Variants in HDGFL3 observed in about 807,000 individuals in gnomAD.
The protein encoded by HDGFL3 is HDGF like 3.
HDGFL3 carries 6 observed loss-of-function variants against 27.6 expected under a neutral mutation model. The observed-to-expected ratio is 0.22, with a 90% CI of 0.12 to 0.43. The LOEUF (loss-of-function observed/expected upper bound fraction) is 0.43, where lower values mean the gene tolerates loss of function less well. HDGFL3 is among the 20% of genes least tolerant of loss of function. The pLI, the probability that HDGFL3 is intolerant of heterozygous loss-of-function variation, is 1.00. For missense variants in HDGFL3, 207 were observed against 250.1 expected, an observed-to-expected ratio of 0.83 and a Z score of 1.16; for synonymous variants, 88 against 88.9, an observed-to-expected ratio of 0.99 and a Z score of 0.05.
chr15:83,199,557 A>T (rs946667838), intron 1 of HDGFL3, among the ~76,000 whole-genome samples: 1 of 151,876 alleles, frequency 6.6e-6, no homozygotes, highest in African/African-American at 2.4e-5. Context: ...GCTACCACTG[A>T]CTCCCCTACA....
In HDGFL3 at chr15:83,136,388, G is replaced by A; in HGVS notation, c.*2882C>T. 8.8e-7 allele frequency: 1 copy of A among 1,130,496 alleles called. No homozygotes were observed. Among genetic ancestry groups the A allele is most frequent in the Non-Finnish European group, 1.2e-6 (1 of 821,992 alleles). The allele number at this position is 1,130,496 out of a possible 1,614,324, so 70.0% of individuals were successfully genotyped here. ...AGGTGAGACTGGTTTTGAGGGCACA[G>A]AAACGTAGCCTGAATGAACCATTCA... On this transcript the variant is annotated 3_prime_UTR_variant, in exon 6 of 6. Coordinates refer to ENST00000299633, the MANE Select transcript of HDGFL3 (RefSeq NM_016073.4).
chr15:83,149,178 C>T (rs370546899), intron 5 of HDGFL3, among the ~76,000 whole-genome samples: 17 of 152,164 alleles, frequency 1.1e-4, no homozygotes, highest in East Asian at 9.6e-4. Flanking sequence ...AAAAGCAATA[C>T]CTGCACCTAC....
intron 1 of HDGFL3, among the ~76,000 whole-genome samples, chr15:83,183,882 T>C (rs2037410599): frequency 6.6e-6 from 1 of 152,196 alleles, no homozygotes. Context: ...AACCTTACCT[T>C]TGCCATCTCC....
chr15:83,121,127 G>C (rs1596494143), intron 3 of HDGFL3, among the ~76,000 whole-genome samples: 1 of 151,610 alleles, frequency 6.6e-6, no homozygotes, highest in African/African-American at 2.4e-5. Flanking sequence ...CTGGAGTGCA[G>C]TGGTGCGATC....
intron 1 of HDGFL3, among the ~76,000 whole-genome samples, chr15:83,205,456 T>C (rs1265080990): frequency 6.6e-6 from 1 of 152,228 alleles, no homozygotes; most frequent in Non-Finnish European, 1.5e-5. Context: ...TTGCCTTATT[T>C]GGAATTATCA....
intron 1 of HDGFL3, among the ~76,000 whole-genome samples, chr15:83,199,871 T>A (rs543155891): frequency 6.7e-6 from 1 of 148,730 alleles, no homozygotes; most frequent in East Asian, 2.0e-4. Context: ...TAAAACCCAG[T>A]CTCTACTAAA....
chr15:83,135,419 CTT>C lies in HDGFL3; in HGVS notation c.*3849_*3850del, dbSNP rs2151388877. On this transcript the variant is annotated 3_prime_UTR_variant, in exon 6 of 6. Coordinates refer to ENST00000299633, the MANE Select transcript of HDGFL3 (RefSeq NM_016073.4). ...TTCTCTATAGTGCAGTCTTTTGTCT[CTT>C]TGATCCTGATGAACTGATAATTTAC... The C allele has an allele frequency of 6.6e-6, 1 of 152,288 alleles. No individual in the cohort carries two copies. Among genetic ancestry groups the C allele is most frequent in the Admixed American group, 6.5e-5 (1 of 15,290 alleles). The allele number at this position is 152,288 out of a possible 1,614,324, so 9.4% of individuals were successfully genotyped here.
At position 83,207,712 on chromosome 15, in the gene HDGFL3, G is replaced by GCA; in HGVS notation, c.-299_-298insTG. 1 of 152,242 alleles carries GCA rather than the reference G, an allele frequency of 6.6e-6. No individual in the cohort carries two copies. Among genetic ancestry groups the GCA allele is most frequent in the Non-Finnish European group, 1.4e-5 (1 of 70,302 alleles). The allele number at this position is 152,242 out of a possible 1,614,324, so 9.4% of individuals were successfully genotyped here. A position where few individuals can be genotyped will look rare whatever the true frequency, so the allele number is the denominator to read the frequency against. On this transcript the variant is annotated 5_prime_UTR_variant, in exon 1 of 6. Transcript: ENST00000299633. This position sits in a 1 kb window ranked among gnomAD's most constrained non-coding sequence, Gnocchi z 4.8. ...CGCCGCCGCCGCCGCCGCCGCGCGC[G>GCA]CTGCTCACCAGCGCCGCGTCGCCTG...
In HDGFL3 at chr15:83,129,345, T is replaced by C. The variant is rs913770601; in HGVS notation, c.*9925A>G. The C allele has an allele frequency of 6.6e-6, 1 of 152,234 alleles. No homozygotes were observed. Among genetic ancestry groups the C allele is most frequent in the African/African-American group, 2.4e-5 (1 of 41,442 alleles). The allele number at this position is 152,234 out of a possible 1,614,324, so 9.4% of individuals were successfully genotyped here. A position where few individuals can be genotyped will look rare whatever the true frequency, so the allele number is the denominator to read the frequency against. ...ACACAATTAAAATTTTAATTCTTTT[T>C]TATGCAAAGATCATGTGGGATATTT... On this transcript the variant is annotated 3_prime_UTR_variant, in exon 6 of 6. Transcript: ENST00000299633.
Position 83,136,497 on chromosome 15 carries a change from T to C in HDGFL3, c.*2773A>G, listed in dbSNP as rs1243796074. The C allele has an allele frequency of 3.2e-6, 5 of 1,582,340 alleles. No individual in the cohort carries two copies. The highest frequency in any genetic ancestry group is 2.0e-5 in the Admixed American group (1 of 49,498). Reference sequence around the variant, plus strand: ...ATGCAACAGGCTCAGTTTTCTCACATTGGTGCATCTCTTCATGCTAGAACT... The same window carrying C: ...ATGCAACAGGCTCAGTTTTCTCACACTGGTGCATCTCTTCATGCTAGAACT... On this transcript the variant is annotated 3_prime_UTR_variant, in exon 6 of 6. Transcript: ENST00000299633.
intron 2 of HDGFL3, among the ~76,000 whole-genome samples, chr15:83,162,274 G>A (rs1189299099): frequency 3.3e-5 from 5 of 151,970 alleles, no homozygotes; most frequent in Non-Finnish European, 5.9e-5. Context: ...TCAGGTTCAG[G>A]GACACCCAAT....
downstream of HDGFL3, chr15:83,127,233 A>G: frequency 2.3e-6 from 2 of 887,958 alleles, no homozygotes; most frequent in Non-Finnish European, 1.6e-6. Context: ...AAAAAAAAAA[A>G]GAGTCCCATA....
intron 1 of HDGFL3, among the ~76,000 whole-genome samples, chr15:83,198,147 A>C (rs913856225): frequency 2.0e-5 from 3 of 151,964 alleles, no homozygotes; most frequent in African/African-American, 7.3e-5. Context: ...TGAGAATTAA[A>C]ATCTATATAA....
chr15:83,198,011 A>G (rs1004211711), intron 1 of HDGFL3, among the ~76,000 whole-genome samples: 2 of 128,544 alleles, frequency 1.6e-5, no homozygotes, highest in Non-Finnish European at 3.1e-5. Context: ...CCAAGAACAC[A>G]CTACTGCACT....
At chr15:83,158,674 C>A (rs1301352621) in intron 2 of HDGFL3, among the ~76,000 whole-genome samples, 1 of 152,160 alleles carries the variant, frequency 6.6e-6, no homozygotes, top group Non-Finnish European at 1.5e-5. Context: ...ATTTGCACTA[C>A]CTTCCCACTA....
intron 1 of HDGFL3, among the ~76,000 whole-genome samples, chr15:83,202,850 T>C (rs1026116949): frequency 2.0e-5 from 3 of 152,138 alleles, no homozygotes; most frequent in African/African-American, 7.2e-5. Context: ...TTCCTTTTTA[T>C]TGTCAAATAG....
intron 1 of HDGFL3, among the ~76,000 whole-genome samples, chr15:83,183,197 T>C (rs1017807432): frequency 1.3e-5 from 2 of 152,144 alleles, no homozygotes; most frequent in African/African-American, 4.8e-5. Context: ...ACCACAGTAG[T>C]AGCTATTGGG....
intron 1 of HDGFL3, among the ~76,000 whole-genome samples, chr15:83,201,008 T>G (rs1367817565): frequency 6.6e-6 from 1 of 152,154 alleles, no homozygotes; most frequent in African/African-American, 2.4e-5. Flanking sequence ...ATGAGGGTAC[T>G]TTTATGCAGG....
At chr15:83,193,084 G>C (rs2037531353) in intron 1 of HDGFL3, among the ~76,000 whole-genome samples, 1 of 139,036 alleles carries the variant, frequency 7.2e-6, no homozygotes, top group Non-Finnish European at 1.5e-5. Context: ...CTCTTCCAGA[G>C]TCCCGTTCTC....
Sources: allele counts gnomAD v4.1 joint callset (sites outside exome capture counted in the v4.1 genomes callset), GRCh38; gene constraint gnomAD v4.1.1; non-coding constraint Gnocchi (gnomAD v3.1); transcripts MANE v1.5; gene names NCBI Gene and HGNC (gene_info 2026-07-23, HGNC 2026-07-21).